CCAR1: variants seen among roughly 807,000 people sequenced by gnomAD.
CCAR1 encodes cell division cycle and apoptosis regulator 1, also known as cell division cycle and apoptosis regulator protein 1.
Under a neutral mutation model 163.8 loss-of-function variants are expected in CCAR1, and 78 were observed. The observed-to-expected ratio is 0.48, with a 90% confidence interval of 0.40 to 0.57. The LOEUF is 0.57. Ranked by LOEUF, CCAR1 falls within the 20% of genes least tolerant of loss-of-function variation. CCAR1 has a pLI of 0.00. For missense variants in CCAR1, 1,019 were observed against 1,365.2 expected (o/e 0.75, Z 4.00); for synonymous variants, 443 against 460.7 (o/e 0.96, Z 0.49).
rs778494623 is a variant in CCAR1, at chr10:68,755,459, T to C, written c.1548T>C (p.Asp516=). Residue 516 remains aspartate (D), a synonymous_variant, in exon 13 of 25, where the codon GAT becomes GAC. Coordinates refer to ENST00000265872, the MANE Select transcript of CCAR1 (RefSeq NM_018237.4). The part of the protein sequence containing the change: ...PSLDGPDPEK[D]PSVLIKTAIR... ...TGGATGGACCAGACCCAGAAAAAGA[T>C]CCCTCTGTGTTGATTAAGACTGCTA... 38 of 1,614,056 alleles carry C rather than the reference T, an allele frequency of 2.4e-5. No homozygotes were observed. The highest frequency in any genetic ancestry group is 2.5e-6 in the Non-Finnish European group (3 of 1,179,986).
Position 68,742,413 on chromosome 10 carries a change from C to A in CCAR1, c.362C>A (p.Thr121Asn). The A allele has an allele frequency of 6.2e-7, 1 of 1,614,018 alleles. No individual in the cohort carries two copies. Among genetic ancestry groups the A allele is most frequent in the Non-Finnish European group, 8.5e-7 (1 of 1,179,952 alleles). ...VALPTSLSLS[T>N]PQPTAQITVS... ...CTGCCTACAAGCCTTAGCCTGTCTA[C>A]TCCTCAGCCAACAGCACAAATAACT... Residue 121 changes from threonine to asparagine, a missense_variant, in exon 6 of 25, where the codon ACT becomes AAT. By Grantham distance (65) the Thr-to-Asn change is moderately conservative (BLOSUM62 0). Around this residue, in one of 4 missense-constraint regions of CCAR1, gnomAD observed 644 missense variants for 904.4 expected, o/e 0.71. Coordinates refer to ENST00000265872, the MANE Select transcript of CCAR1 (RefSeq NM_018237.4).
intron 17 of CCAR1, among the ~76,000 whole-genome samples, chr10:68,770,759 A>G (rs780321323): frequency 3.9e-5 from 6 of 151,990 alleles, no homozygotes; most frequent in Non-Finnish European, 7.4e-5. Context: ...AATAAAAATA[A>G]AAAAGATTAA....
At chr10:68,721,861 G>C (rs1231589465) in intron 1 of CCAR1, among the ~76,000 whole-genome samples, 2 of 152,172 alleles carry the variant, frequency 1.3e-5, no homozygotes, top group African/African-American at 4.8e-5. Context: ...GTTTATCTTG[G>C]GGGGAGGGGT....
At chr10:68,751,535 A>G (rs1480280286) in intron 10 of CCAR1, among the ~76,000 whole-genome samples, 1 of 152,076 alleles carries the variant, frequency 6.6e-6, no homozygotes, top group African/African-American at 2.4e-5. Flanking sequence ...TGCATAGGAT[A>G]TGAAATTGAA....
chr10:68,768,699 T>C (rs2056564619), intron 17 of CCAR1, among the ~76,000 whole-genome samples: 1 of 151,596 alleles, frequency 6.6e-6, no homozygotes, highest in Non-Finnish European at 1.5e-5. Context: ...AATAAATACA[T>C]AGGCTGGGCA....
intron 19 of CCAR1, among the ~76,000 whole-genome samples, chr10:68,783,628 GA>G (rs907525453): frequency 6.6e-5 from 10 of 152,136 alleles, no homozygotes; most frequent in African/African-American, 2.4e-4. Flanking sequence ...GGATGACTTT[GA>G]AGGGTTCAAT....
chr10:68,742,604 G>A, intron 6 of CCAR1, 35 bp downstream of exon 6: 2 of 1,508,604 alleles, frequency 1.3e-6, no homozygotes, highest in East Asian at 2.3e-5. Context: ...ATGGCTTCTT[G>A]CATTTACCAC....
intron 6 of CCAR1, among the ~76,000 whole-genome samples, chr10:68,746,405 T>A (rs1180714406): frequency 1.3e-5 from 2 of 152,070 alleles, no homozygotes; most frequent in African/African-American, 4.8e-5. Flanking sequence ...AATTTTTGTA[T>A]TTTTAGTAGA....
chr10:68,786,973 T>C (rs2056802100), intron 21 of CCAR1: 1 of 235,316 alleles, frequency 4.2e-6, no homozygotes, highest in South Asian at 6.0e-5. Flanking sequence ...TAATCCCAGC[T>C]ACTCGGGAAG....
chr10:68,787,493 T>C (rs2056808785), intron 21 of CCAR1, among the ~76,000 whole-genome samples: 1 of 152,202 alleles, frequency 6.6e-6, no homozygotes. Flanking sequence ...GAAGTTTTTT[T>C]TTTCAAAAGT....
intron 16 of CCAR1, among the ~76,000 whole-genome samples, chr10:68,763,894 G>A (rs2056505240): frequency 6.6e-6 from 1 of 152,098 alleles, no homozygotes; most frequent in Non-Finnish European, 1.5e-5. Flanking sequence ...TTTATTTTGT[G>A]CTATCCTTGT....
intron 1 of CCAR1, among the ~76,000 whole-genome samples, chr10:68,721,836 T>C (rs1404971875): frequency 6.6e-6 from 1 of 152,084 alleles, no homozygotes; most frequent in African/African-American, 2.4e-5. Flanking sequence ...GGGCGGAGAA[T>C]CTTCGCCTTT....
chr10:68,746,934 C>T (rs2133345531), intron 6 of CCAR1, among the ~76,000 whole-genome samples: 1 of 152,026 alleles, frequency 6.6e-6, no homozygotes, highest in Non-Finnish European at 1.5e-5. Context: ...GGTACATGTG[C>T]ACAATGTGCA....
chr10:68,737,729 G>T, intron 3 of CCAR1, 116 bp from the exon 4 acceptor site: 1 of 508,736 alleles, frequency 2.0e-6, no homozygotes, highest in South Asian at 3.3e-5. Flanking sequence ...TGCCACACCA[G>T]AACAGAAAGT....
chr10:68,728,324 C>G (rs1353213858), intron 2 of CCAR1, among the ~76,000 whole-genome samples: 1 of 150,104 alleles, frequency 6.7e-6, no homozygotes, highest in Non-Finnish European at 1.5e-5. Context: ...ATCTTTTTAG[C>G]TAAGGGAAAA....
chr10:68,784,209 T>C (rs955904117), intron 19 of CCAR1, among the ~76,000 whole-genome samples: 1 of 151,714 alleles, frequency 6.6e-6, no homozygotes, highest in Non-Finnish European at 1.5e-5. Context: ...GGGGATTGAC[T>C]CTATTTATAT....
intron 19 of CCAR1, among the ~76,000 whole-genome samples, chr10:68,781,052 C>T (rs1379862360): frequency 1.3e-5 from 2 of 150,952 alleles, no homozygotes; most frequent in African/African-American, 4.9e-5. Context: ...GCCAACATGG[C>T]GAAACCCTGT....
rs1589198875 is a variant in CCAR1, at chr10:68,792,297, C to T, written c.*1031C>T. On this transcript the variant is annotated 3_prime_UTR_variant, in exon 25 of 25. Coordinates refer to ENST00000265872, the MANE Select transcript of CCAR1 (RefSeq NM_018237.4). ...AAAAATGCAGTGTATGTCAAATTTACAGTTTAGTACCAAGCCAGTAGATGT... is the reference window on the plus strand; with the variant it reads ...AAAAATGCAGTGTATGTCAAATTTATAGTTTAGTACCAAGCCAGTAGATGT... The T allele has an allele frequency of 6.6e-6, 1 of 152,110 alleles. No individual in the cohort carries two copies. The highest frequency in any genetic ancestry group is 1.5e-5 in the Non-Finnish European group (1 of 68,006). The allele number at this position is 152,110 out of a possible 1,614,324, so 9.4% of individuals were successfully genotyped here.
intron 2 of CCAR1, among the ~76,000 whole-genome samples, chr10:68,726,540 G>A (rs963473295): frequency 1.3e-5 from 2 of 151,988 alleles, no homozygotes; most frequent in African/African-American, 2.4e-5. Flanking sequence ...CCCATCTCTG[G>A]CTTGGTGGTG....
Sources: gnomAD v4.1 joint callset for allele counts (sites outside exome capture counted in the v4.1 genomes callset) on GRCh38, gnomAD v4.1.1 for gene constraint, gnomAD v4.1.1 regional missense constraint, MANE v1.5 for transcripts, NCBI Gene and HGNC (gene_info 2026-07-23, HGNC 2026-07-21) for gene names.